The following PBX1 variants were observed in gnomAD, a reference collection of about 807,000 sequenced individuals.
PBX1 encodes the protein pre-B-cell leukemia transcription factor 1.
PBX1 carries 6 observed loss-of-function variants against 53.4 expected under a neutral mutation model. That is an observed-to-expected ratio of 0.11 (90% CI 0.06 to 0.22). The LOEUF (loss-of-function observed/expected upper bound fraction) is 0.22. PBX1 is among the 10% of genes least tolerant of loss of function. The probability of loss-of-function intolerance (pLI) is 1.00; values close to 1 mark genes in which losing one functional copy is unlikely to be tolerated. For missense variants in PBX1, 251 were observed against 551.4 expected (o/e 0.46, Z 5.46); for synonymous variants, 204 against 212.3 (o/e 0.96, Z 0.34).
chr1:164,776,565 GC>G (rs1461777330), intron 2 of PBX1, among the ~76,000 whole-genome samples: 3 of 151,558 alleles, frequency 2.0e-5, no homozygotes, highest in Non-Finnish European at 4.4e-5. Flanking sequence ...TCTTCCCTTT[GC>G]CTTTTCTAGG....
chr1:164,606,452 G>A (rs1656565770), intron 2 of PBX1, among the ~76,000 whole-genome samples: 1 of 152,126 alleles, frequency 6.6e-6, no homozygotes, highest in South Asian at 2.1e-4. Context: ...AAAATTGTTT[G>A]AACCTGGGAG....
intron 2 of PBX1, among the ~76,000 whole-genome samples, chr1:164,739,603 A>G (rs1665487789): frequency 6.6e-6 from 1 of 152,142 alleles, no homozygotes. Flanking sequence ...AGATATGGCA[A>G]TTTGCTTAAA....
intron 2 of PBX1, among the ~76,000 whole-genome samples, chr1:164,601,496 C>T (rs543309894): frequency 4.7e-4 from 72 of 152,212 alleles, no homozygotes; most frequent in African/African-American, 1.7e-3. Flanking sequence ...CCGTATTCCA[C>T]TGGAATAGGG....
At chr1:164,668,931 T>C (rs1230719370) in intron 2 of PBX1, among the ~76,000 whole-genome samples, 1 of 152,168 alleles carries the variant, frequency 6.6e-6, no homozygotes, top group Non-Finnish European at 1.5e-5. Context: ...CAGAATCCGT[T>C]TAGATTTTAG....
At chr1:164,838,175 A>G (rs1350336495) in intron 8 of PBX1, among the ~76,000 whole-genome samples, 2 of 152,212 alleles carry the variant, frequency 1.3e-5, no homozygotes, top group African/African-American at 4.8e-5. Flanking sequence ...GATAAAATTC[A>G]AGGTAGTAAC....
Position 164,650,818 on chromosome 1 carries a change from GA to G in PBX1, c.265+87517del, listed in dbSNP as rs915951040. Among the ~76,000 whole-genome samples the G allele has an allele frequency of 2.2e-3, 326 of 147,444 alleles. 2 individuals are homozygous for G. The highest frequency in any genetic ancestry group is 7.3e-3 in the African/African-American group (293 of 40,234). On this transcript the variant is annotated intron_variant, in intron 2 of 8. Coordinates refer to ENST00000420696, the MANE Select transcript of PBX1 (RefSeq NM_002585.4). ...CATCCTCCACTCCTTCCACCTCCAA[GA>G]AAAAAAAAAGCGTGCAGGAAGTAGC... is the stretch of plus-strand genomic sequence containing the variant.
At chr1:164,644,961 C>T (rs541718297) in intron 2 of PBX1, among the ~76,000 whole-genome samples, 1 of 152,274 alleles carries the variant, frequency 6.6e-6, no homozygotes, top group South Asian at 2.1e-4. Flanking sequence ...AGCCGTTTTT[C>T]AAATCTGACT....
intron 2 of PBX1, among the ~76,000 whole-genome samples, chr1:164,871,468 G>A (rs1369554857): frequency 1.3e-5 from 2 of 152,212 alleles, no homozygotes; most frequent in African/African-American, 2.4e-5. Flanking sequence ...ACAGGCACAG[G>A]CAGCTGCTGA....
At chr1:164,661,646 C>T (rs927232624) in intron 2 of PBX1, among the ~76,000 whole-genome samples, 2 of 151,948 alleles carry the variant, frequency 1.3e-5, no homozygotes, top group African/African-American at 4.8e-5. Flanking sequence ...AGGCTGATCT[C>T]GAAACCCTGA....
chr1:164,844,115 CTTT>C (rs773961576), intron 8 of PBX1, among the ~76,000 whole-genome samples: 1 of 61,110 alleles, frequency 1.6e-5, no homozygotes, highest in African/African-American at 7.8e-5. Context: ...TTCTTTCTTT[CTTT>C]TTTTTTTTTT....
chr1:164,635,302 GTA>G (rs1658684893), intron 2 of PBX1, among the ~76,000 whole-genome samples: 2 of 151,900 alleles, frequency 1.3e-5, no homozygotes, highest in Admixed American at 1.3e-4. Context: ...TGCCACCATG[GTA>G]TCTGTTTTAA....
chr1:164,831,910 T>C (rs1300191964), intron 8 of PBX1, among the ~76,000 whole-genome samples: 2 of 152,122 alleles, frequency 1.3e-5, no homozygotes, highest in African/African-American at 2.4e-5. Flanking sequence ...TTAAATCAAA[T>C]GAGATGGTTT....
At chr1:164,572,197 G>A (rs1018681480) in intron 2 of PBX1, among the ~76,000 whole-genome samples, 3 of 151,794 alleles carry the variant, frequency 2.0e-5, no homozygotes, top group Admixed American at 6.6e-5. Flanking sequence ...GTGAGGCACC[G>A]CGCCCAGCCT....
intron 2 of PBX1, among the ~76,000 whole-genome samples, chr1:164,599,335 A>G (rs932244290): frequency 6.6e-6 from 1 of 151,960 alleles, no homozygotes; most frequent in African/African-American, 2.4e-5. Context: ...TTGACCTTCC[A>G]GTCGTCTTCT....
Position 164,846,801 on chromosome 1 carries a change from A to G in PBX1, c.*125A>G. On this transcript the variant is annotated 3_prime_UTR_variant, in exon 9 of 9. Transcript: ENST00000420696. ...CGAAGCAATCAGCAAACACAATAAG[A>G]GTCTCCTTCTCTTCTCTTCTTTGGG... 2 of 1,550,962 alleles carry G rather than the reference A, an allele frequency of 1.3e-6. No individual in the cohort carries two copies. The highest frequency in any genetic ancestry group is 2.4e-5 in the South Asian group (2 of 84,264).
intron 2 of PBX1, among the ~76,000 whole-genome samples, chr1:164,574,519 AAAAG>A (rs1654087009): frequency 6.6e-6 from 1 of 152,200 alleles, no homozygotes; most frequent in Admixed American, 6.5e-5. Context: ...GAACATTTAT[AAAAG>A]AAAATTCTTT....
intron 2 of PBX1, among the ~76,000 whole-genome samples, chr1:164,638,799 G>T (rs546393535): frequency 5.9e-5 from 9 of 152,206 alleles, no homozygotes; most frequent in Non-Finnish European, 1.2e-4. Flanking sequence ...GGCTTGCTTG[G>T]CAAAGACCTC....
chr1:164,829,208 A>G (rs924501011), intron 8 of PBX1: 5 of 151,784 alleles, frequency 3.3e-5, no homozygotes, highest in African/African-American at 7.3e-5. Flanking sequence ...ACCAGCCAGT[A>G]TAGTCAATAT....
intron 2 of PBX1, among the ~76,000 whole-genome samples, chr1:164,600,489 T>C (rs1283612155): frequency 6.6e-6 from 1 of 152,164 alleles, no homozygotes; most frequent in African/African-American, 2.4e-5. Context: ...CCTCAGGTGA[T>C]CTACCCGCCT....
Sources: allele counts gnomAD v4.1 joint callset (sites outside exome capture counted in the v4.1 genomes callset), GRCh38; gene constraint gnomAD v4.1.1; transcripts MANE v1.5; gene names NCBI Gene and HGNC (gene_info 2026-07-23, HGNC 2026-07-21).